ATM: variants seen among roughly 807,000 people sequenced by gnomAD.
The protein encoded by ATM is serine-protein kinase ATM.
In ATM, 308 loss-of-function variants were observed where a neutral mutation model predicts 387.0. That is an observed-to-expected ratio of 0.80 (90% CI 0.73 to 0.87). The LOEUF is 0.87. ATM is among the 40% of genes least tolerant of loss of function. The pLI, the probability that ATM is intolerant of heterozygous loss-of-function variation, is 0.00. For synonymous variants in ATM, 1,156 were observed against 1,187.3 expected, an observed-to-expected ratio of 0.97 and a Z score of 0.54; for missense variants, 3,312 against 3,560.9, an observed-to-expected ratio of 0.93 and a Z score of 1.78.
intron 61 of ATM, among the ~76,000 whole-genome samples, chr11:108,361,538 C>A (rs1032381945): frequency 1.3e-5 from 2 of 152,034 alleles, no homozygotes; most frequent in Admixed American, 6.5e-5. Flanking sequence ...CACTACCTGA[C>A]TTCAAACTAT....
At chr11:108,246,824 G>A (rs1438515815) in intron 7 of ATM, 140 bp from the exon 8 acceptor site, 2 of 616,654 alleles carry the variant, frequency 3.2e-6, no homozygotes, top group Non-Finnish European at 5.8e-6. Flanking sequence ...CTTGTCAGAA[G>A]AGGCATTAGT....
chr11:108,289,898 C>T lies in ATM; in HGVS notation c.4436+97C>T, dbSNP rs1261805059. ...TGTTTTGTTTTGAGACAAAGACTCA[C>T]TCTGTCCGCCCAGGCTGGGTGCAGT... On this transcript the variant is annotated intron_variant, in intron 29 of 62. Transcript: ENST00000675843. The T allele has an allele frequency of 2.8e-5, 34 of 1,204,520 alleles. No homozygotes were observed. In the Admixed American group the frequency reaches 3.3e-4, roughly 12 times the overall value. The allele number at this position is 1,204,520 out of a possible 1,614,324, so 74.6% of individuals were successfully genotyped here. A position where few individuals can be genotyped will look rare whatever the true frequency, so the allele number is the denominator to read the frequency against.
rs1060501629 is a variant in ATM, at chr11:108,319,990, G to T, written c.6384G>T (p.Leu2128Phe). Residue 2128 changes from leucine to phenylalanine, a missense_variant, in exon 44 of 63, where the codon TTG becomes TTT. Transcript: ENST00000675843. Reference sequence around the variant, plus strand: ...AAGGAACCAGTTACCATGAATCATTGTACAATGCTCTACAATCTCTAAGAG... The same window carrying T: ...AAGGAACCAGTTACCATGAATCATTTTACAATGCTCTACAATCTCTAAGAG... ...EVEGTSYHES[L>F]YNALQSLRDR... 1.2e-6 allele frequency: 2 copies of T among 1,612,800 alleles called. No individual in the cohort carries two copies. Among genetic ancestry groups the T allele is most frequent in the Non-Finnish European group, 1.7e-6 (2 of 1,178,992 alleles).
rs1555142824 is a variant in ATM at position 108,353,800 on chromosome 11, T to C, written c.8706T>C (p.Thr2902=). Residue 2902 remains threonine (T), a synonymous_variant, in exon 60 of 63, where the codon ACT becomes ACC. Transcript: ENST00000675843. The part of the protein sequence containing the change: ...VAFEQGKILP[T]PETVPFRLTR... ...TTGAACAGGGCAAAATCCTTCCTACTCCTGAGACAGTTCCTTTTAGACTCA... is the reference window on the plus strand; with the variant it reads ...TTGAACAGGGCAAAATCCTTCCTACCCCTGAGACAGTTCCTTTTAGACTCA... 6.2e-7 allele frequency: 1 copy of C among 1,614,154 alleles called. No homozygotes were observed. The highest frequency in any genetic ancestry group is 8.5e-7 in the Non-Finnish European group (1 of 1,180,000).
At chr11:108,264,384 A>G (rs2081090157) in intron 16 of ATM, among the ~76,000 whole-genome samples, 1 of 152,224 alleles carries the variant, frequency 6.6e-6, no homozygotes, top group African/African-American at 2.4e-5. Flanking sequence ...CAAAAAACAC[A>G]TGATTATCTC....
intron 58 of ATM, 127 bp downstream of exon 58, chr11:108,346,035 C>T: frequency 1.0e-6 from 1 of 1,004,412 alleles, no homozygotes; most frequent in Non-Finnish European, 1.5e-6. Context: ...GGTTAGTAAC[C>T]AACCCATCTT....
At chr11:108,359,326 G>C (rs905213512) in intron 61 of ATM, among the ~76,000 whole-genome samples, 2 of 151,874 alleles carry the variant, frequency 1.3e-5, no homozygotes, top group African/African-American at 4.8e-5. Flanking sequence ...AAGAGACTTA[G>C]AATCCCACAC....
chr11:108,287,532 C>A, intron 26 of ATM, 68 bp from the exon 27 acceptor site: 2 of 968,210 alleles, frequency 2.1e-6, no homozygotes, highest in Non-Finnish European at 3.2e-6. Flanking sequence ...GTAATATATG[C>A]CTTTTGAGCT....
chr11:108,331,459 A>T lies in ATM; in HGVS notation c.7531A>T (p.Ile2511Phe), dbSNP rs146069748. The change falls in exon 51 of 63, where the codon ATT becomes TTT. Residue 2511 changes from isoleucine to phenylalanine, a missense_variant. Transcript: ENST00000675843. ...NGMMKRDGMK[I>F]PTYKFLPLMY... The stretch of plus-strand genomic sequence containing the variant: ...TTAATGGTAGAGAGACGGAATGAAG[A>T]TTCCAACATATAAATTTTTGCCTCT... The T allele has an allele frequency of 1.9e-6, 3 of 1,613,218 alleles. No individual in the cohort carries two copies. The highest frequency in any genetic ancestry group is 2.7e-5 in the African/African-American group (2 of 74,864).
chr11:108,235,736 A>T lies in ATM; in HGVS notation c.398A>T (p.Asn133Ile), dbSNP rs730881330. The stretch of plus-strand genomic sequence containing the variant: ...ATGGATACAGTGAAAGATTCATCTA[A>T]TGGTGCTATTTACGGAGCTGATTGT... Reference protein sequence around the residue: ...YIMDTVKDSSNGAIYGADCSN... With the variant: ...YIMDTVKDSSIGAIYGADCSN... The change falls in exon 5 of 63, where the codon AAT becomes ATT. Residue 133 changes from asparagine to isoleucine, a missense_variant. This residue lies in a region of ATM where 1,791 missense variants were observed against 1,804.5 expected (regional missense o/e 0.99). Transcript: ENST00000675843. The T allele has an allele frequency of 1.2e-6, 2 of 1,612,698 alleles. No individual in the cohort carries two copies. Among genetic ancestry groups the T allele is most frequent in the Non-Finnish European group, 1.7e-6 (2 of 1,178,852 alleles).
At chr11:108,241,510 C>G (rs1326113887) in intron 5 of ATM, among the ~76,000 whole-genome samples, 2 of 151,978 alleles carry the variant, frequency 1.3e-5, no homozygotes, top group African/African-American at 4.8e-5. Flanking sequence ...ATTTCTTGTG[C>G]TATGACATCA....
In ATM at chr11:108,286,103, G is replaced by A. The variant is rs569713184; in HGVS notation, c.3994-1497G>A. ...TCCCAGCACTTTGGGAGGCCAAGGC[G>A]GGTGGATCACCTGAGATCAGGAGTT... On this transcript the variant is annotated intron_variant, in intron 26 of 62. Transcript: ENST00000675843. 2.6e-4 allele frequency among the ~76,000 whole-genome samples: 39 copies of A among 152,026 alleles called. No homozygotes were observed. In the South Asian group the frequency reaches 7.3e-3, roughly 28 times the overall value.
chr11:108,228,004 T>C (rs901386419), intron 3 of ATM, 116 bp downstream of exon 3: 6 of 846,912 alleles, frequency 7.1e-6, no homozygotes, highest in Non-Finnish European at 1.1e-5. Flanking sequence ...TATATATCAT[T>C]ATGCCTTGCA....
At chr11:108,271,030 A>T in intron 18 of ATM, 34 bp from the exon 19 acceptor site, 1 of 1,565,714 alleles carries the variant, frequency 6.4e-7, no homozygotes, top group Non-Finnish European at 8.8e-7. Context: ...TGATTTGTGG[A>T]TAAACCTGAT....
intron 37 of ATM, among the ~76,000 whole-genome samples, chr11:108,306,891 G>T (rs538479648): frequency 6.6e-6 from 1 of 152,104 alleles, no homozygotes; most frequent in Non-Finnish European, 1.5e-5. Flanking sequence ...CCTCTCTCAC[G>T]TATTTCATCT....
intron 18 of ATM, 136 bp downstream of exon 18, chr11:108,268,745 G>C: frequency 3.1e-6 from 3 of 967,672 alleles, no homozygotes; most frequent in Non-Finnish European, 4.8e-6. Flanking sequence ...CCTGAGACTA[G>C]TTGGAAAATA....
Position 108,317,615 on chromosome 11 carries a change from TTA to T in ATM, c.6347+131_6347+132del, listed in dbSNP as rs376158749. On this transcript the variant is annotated intron_variant, in intron 43 of 62. Coordinates refer to ENST00000675843, the MANE Select transcript of ATM (RefSeq NM_000051.4). ...TTCTATGAATATAACAGGAGTTGTT[TTA>T]TATATATATATATATATATATATAT... The T allele has an allele frequency of 0.036, 7,723 of 215,002 alleles. 407 individuals are homozygous for T. Among genetic ancestry groups the T allele is most frequent in the Admixed American group, 0.11 (1,635 of 14,830 alleles). 13.3% of individuals were successfully genotyped at this position (215,002 alleles called of 1,614,324 possible).
Position 108,299,833 on chromosome 11 carries a change from C to T in ATM, c.5125C>T (p.Gln1709Ter), listed in dbSNP as rs1341457041. 1 of 1,613,890 alleles carries T rather than the reference C, an allele frequency of 6.2e-7. No homozygotes were observed. Among genetic ancestry groups the T allele is most frequent in the Non-Finnish European group, 8.5e-7 (1 of 1,179,896 alleles). Residue 1709 changes from glutamine (Q) to a stop codon, truncating the protein, a stop_gained, in exon 34 of 63, where the codon CAG becomes TAG. Transcript: ENST00000675843. LOFTEE classifies it high-confidence loss of function. ...ALKLFEDKEL[Q>*]WTFIMLTYLN... ...TAAGTTATTTGAAGATAAAGAACTT[C>T]AGTGGACCTTCATAATGCTGACCTA...
At chr11:108,271,011 T>G in intron 18 of ATM, 53 bp from the exon 19 acceptor site, 2 of 1,480,876 alleles carry the variant, frequency 1.4e-6, no homozygotes, top group Non-Finnish European at 1.9e-6. Flanking sequence ...ATATACTTTT[T>G]AAAGTAAATG....
Sources: gnomAD v4.1 joint callset for allele counts (sites outside exome capture counted in the v4.1 genomes callset) on GRCh38, gnomAD v4.1.1 for gene constraint, gnomAD v4.1.1 regional missense constraint, MANE v1.5 for transcripts, NCBI Gene and HGNC (gene_info 2026-07-23, HGNC 2026-07-21) for gene names.